ERMP1: variants seen among roughly 807,000 people sequenced by gnomAD.
ERMP1 encodes the protein Felix-ina.
A neutral mutation model predicts 92.0 loss-of-function variants in ERMP1; 86 were observed. That is an observed-to-expected ratio of 0.93 (90% confidence interval 0.79 to 1.12). The LOEUF (loss-of-function observed/expected upper bound fraction) is 1.12, where lower values mean the gene tolerates loss of function less well. ERMP1 is among the 50% of genes most tolerant of loss of function. The probability of loss-of-function intolerance (pLI) is 0.00; values close to 1 mark genes in which losing one functional copy is unlikely to be tolerated. For synonymous variants in ERMP1, 530 were observed against 412.8 expected (o/e 1.28, Z -3.44); for missense variants, 1,342 against 1,116.3 (o/e 1.20, Z -2.88).
At chr9:5,858,471 A>G (rs1420814089) in intron 6 of ERMP1, among the ~76,000 whole-genome samples, 3 of 152,164 alleles carry the variant, frequency 2.0e-5, no homozygotes, top group Non-Finnish European at 4.4e-5. Flanking sequence ...TCTCAAAGAC[A>G]GGGGTTCCTA....
At chr9:5,815,310 A>G (rs1829258473) in intron 4 of ERMP1, among the ~76,000 whole-genome samples, 1 of 152,220 alleles carries the variant, frequency 6.6e-6, no homozygotes, top group Non-Finnish European at 1.5e-5. Flanking sequence ...CTAGCAAAGT[A>G]CAAGGTAAGT....
At chr9:5,803,268 T>C (rs1057443534) in intron 10 of ERMP1, among the ~76,000 whole-genome samples, 1 of 152,234 alleles carries the variant, frequency 6.6e-6, no homozygotes, top group Non-Finnish European at 1.5e-5. Flanking sequence ...TGATAACTCA[T>C]GGCATCAAAG....
chr9:5,848,040 A>C (rs1032658725), intron 6 of ERMP1, among the ~76,000 whole-genome samples: 2 of 152,220 alleles, frequency 1.3e-5, no homozygotes, highest in African/African-American at 4.8e-5. Context: ...ACTGAAGGTC[A>C]TACAGACACT....
intron 10 of ERMP1, among the ~76,000 whole-genome samples, chr9:5,802,294 G>C (rs1470790612): frequency 1.3e-5 from 2 of 152,096 alleles, no homozygotes; most frequent in Admixed American, 6.5e-5. Flanking sequence ...GTATACTATA[G>C]ACATGAAATC....
intron 1 of ERMP1, chr9:5,832,393 A>G: frequency 2.6e-6 from 1 of 379,060 alleles, no homozygotes. Context: ...GAATATGGGG[A>G]GACGACTCAC....
chr9:5,793,199 A>G (rs1828276235), intron 13 of ERMP1, among the ~76,000 whole-genome samples: 1 of 151,832 alleles, frequency 6.6e-6, no homozygotes, highest in African/African-American at 2.4e-5. Context: ...GATGCAGAAT[A>G]GTATTATTTA....
upstream of ERMP1, among the ~76,000 whole-genome samples, chr9:5,833,784 G>C (rs1830043827): frequency 6.6e-6 from 1 of 152,164 alleles, no homozygotes; most frequent in Non-Finnish European, 1.5e-5. Flanking sequence ...TCCCAAAACA[G>C]CATTCTGTTC....
intron 6 of ERMP1, among the ~76,000 whole-genome samples, chr9:5,842,913 T>A (rs1024151877): frequency 3.3e-5 from 5 of 152,248 alleles, no homozygotes; most frequent in Non-Finnish European, 2.9e-5. Flanking sequence ...TTTAAAAGCC[T>A]TTTCCCTCTC....
chr9:5,848,278 G>A (rs1165468885), intron 6 of ERMP1, among the ~76,000 whole-genome samples: 1 of 152,160 alleles, frequency 6.6e-6, no homozygotes, highest in African/African-American at 2.4e-5. Context: ...GCGGGAAGTA[G>A]GAGAGTAAGA....
chr9:5,862,956 T>C (rs1321041179), intron 5 of ERMP1, among the ~76,000 whole-genome samples: 1 of 152,256 alleles, frequency 6.6e-6, no homozygotes, highest in African/African-American at 2.4e-5. Context: ...CAGAGATTTA[T>C]GTGCAAGAGG....
At chr9:5,802,017 G>T (rs965530397) in intron 10 of ERMP1, among the ~76,000 whole-genome samples, 2 of 152,198 alleles carry the variant, frequency 1.3e-5, no homozygotes, top group African/African-American at 4.8e-5. Context: ...ACGACTCACA[G>T]AGTATGTCCA....
At chr9:5,790,937 C>CG (rs1317692903) in intron 13 of ERMP1, among the ~76,000 whole-genome samples, 1 of 152,064 alleles carries the variant, frequency 6.6e-6, no homozygotes, top group Non-Finnish European at 1.5e-5. Flanking sequence ...TTTACCAAAA[C>CG]TAACTGAACT....
intron 4 of ERMP1, among the ~76,000 whole-genome samples, chr9:5,816,808 C>CA (rs1829324731): frequency 6.6e-6 from 1 of 151,810 alleles, no homozygotes; most frequent in African/African-American, 2.4e-5. Flanking sequence ...TCGGAGTGGT[C>CA]ACATGACCTG....
chr9:5,829,784 G>C (rs938244360), intron 2 of ERMP1, among the ~76,000 whole-genome samples: 1 of 152,198 alleles, frequency 6.6e-6, no homozygotes, highest in Non-Finnish European at 1.5e-5. Flanking sequence ...TATCAAATGA[G>C]GGGTTCAGCC....
chr9:5,820,841 C>G (rs1829508245), intron 4 of ERMP1, among the ~76,000 whole-genome samples: 1 of 152,176 alleles, frequency 6.6e-6, no homozygotes, highest in African/African-American at 2.4e-5. Flanking sequence ...GAAAATAACA[C>G]TAACTAGCTT....
rs555811488 is a variant in ERMP1 at position 5,790,411 on chromosome 9, A to C, written c.2387-2818T>G. ...ATAAAGCAACACATGTAATTATAAA[A>C]TACTGTGACAACTGAGGCCAAATGT... On this transcript the variant is annotated intron_variant, in intron 13 of 14. Coordinates refer to ENST00000339450, the MANE Select transcript of ERMP1 (RefSeq NM_024896.3). Among the ~76,000 whole-genome samples the C allele has an allele frequency of 2.3e-4, 34 of 149,812 alleles. No individual in the cohort carries two copies. In the South Asian group the frequency reaches 6.2e-3, roughly 27 times the overall value.
At position 5,808,006 on chromosome 9, in the gene ERMP1, T is replaced by C. The variant is rs547865279; in HGVS notation, c.1548+2005A>G. Among the ~76,000 whole-genome samples, 4 of 152,182 alleles carry C rather than the reference T, an allele frequency of 2.6e-5. 1 individual carries two copies. In the South Asian group the frequency reaches 8.3e-4, roughly 32 times the overall value. ...TCTTGTTTTTTTTAAAAAAAAATAATAGAGATGTGGTCTCACTTATATTGC... is the reference window on the plus strand; with the variant it reads ...TCTTGTTTTTTTTAAAAAAAAATAACAGAGATGTGGTCTCACTTATATTGC... On this transcript the variant is annotated intron_variant, in intron 8 of 14. Coordinates refer to ENST00000339450, the MANE Select transcript of ERMP1 (RefSeq NM_024896.3).
chr9:5,811,027 G>A, intron 7 of ERMP1, 84 bp downstream of exon 7: 2 of 843,368 alleles, frequency 2.4e-6, no homozygotes, highest in South Asian at 1.9e-5. Context: ...AGCTTTCTGG[G>A]AAGATATAAA....
chr9:5,847,818 C>G (rs1283521109), intron 6 of ERMP1, among the ~76,000 whole-genome samples: 1 of 151,686 alleles, frequency 6.6e-6, no homozygotes, highest in African/African-American at 2.4e-5. Flanking sequence ...TGGCGTGAAC[C>G]CAGGAGGCGG....
Sources: gnomAD v4.1 joint callset for allele counts (sites outside exome capture counted in the v4.1 genomes callset) on GRCh38, gnomAD v4.1.1 for gene constraint, MANE v1.5 for transcripts, NCBI Gene and HGNC (gene_info 2026-07-23, HGNC 2026-07-21) for gene names.